POLN: variants seen among roughly 807,000 people sequenced by gnomAD.
POLN encodes DNA polymerase nu, also known as DNA polymerase N.
In POLN, 108 loss-of-function variants were observed where a neutral mutation model predicts 113.5. The observed-to-expected ratio is 0.95, with a 90% CI of 0.81 to 1.12. The LOEUF (loss-of-function observed/expected upper bound fraction) is 1.12, where lower values mean the gene tolerates loss of function less well. Among genes scored for constraint, POLN ranks in the 50% most tolerant of loss-of-function variants. The pLI is 0.00. For synonymous variants in POLN, 386 were observed against 391.5 expected (o/e 0.99, Z 0.17); for missense variants, 1,097 against 1,077.1 (o/e 1.02, Z -0.26).
Position 2,131,281 on chromosome 4 carries a change from C to A in POLN, c.1741G>T (p.Gly581Cys), listed in dbSNP as rs2108726239. Residue 581 changes from glycine (G) to cysteine (C), a missense_variant, in exon 17 of 26, where the codon GGT (glycine) becomes TGT (cysteine). Transcript: ENST00000511885. ...ATCTGAATTGGGTGCTTGGAGATAC[C>A]TTGGATATTCTGTTAATAATAAGAG... is the stretch of plus-strand genomic sequence containing the variant. ...RLSAKHPNIQ[G>C]ISKHPIQITT... 1 of 1,581,470 alleles carries A rather than the reference C, an allele frequency of 6.3e-7. No homozygotes were observed. The highest frequency in any genetic ancestry group is 1.1e-5 in the South Asian group (1 of 89,944).
chr4:2,186,214 T>G (rs1042607486), intron 7 of POLN, among the ~76,000 whole-genome samples: 19 of 152,320 alleles, frequency 1.2e-4, no homozygotes, highest in Non-Finnish European at 2.4e-4. Context: ...TCCCATCATC[T>G]TGGGCCCCCT....
At position 2,203,536 on chromosome 4, in the gene POLN, T is replaced by C. The variant is rs529260517; in HGVS notation, c.714+4451A>G. Among the ~76,000 whole-genome samples, 16 of 148,838 alleles carry C rather than the reference T, an allele frequency of 1.1e-4. No individual in the cohort carries two copies. The South Asian group carries it at 2.8e-3, about 26-fold the overall frequency. On this transcript the variant is annotated intron_variant, in intron 5 of 25. Transcript: ENST00000511885. Reference sequence around the variant, plus strand: ...CAGAGGTTGCAGAGAGCCAAGATTGTACCACTGCACTCCAGCCTGGGTGAC... The same window carrying C: ...CAGAGGTTGCAGAGAGCCAAGATTGCACCACTGCACTCCAGCCTGGGTGAC...
intron 16 of POLN, among the ~76,000 whole-genome samples, chr4:2,155,519 C>A (rs886865638): frequency 3.3e-5 from 5 of 152,268 alleles, no homozygotes; most frequent in African/African-American, 1.2e-4. Flanking sequence ...ACTCGGTACA[C>A]CATCTATGCA....
At chr4:2,172,588 ACATT>A (rs1732891017) in intron 11 of POLN, among the ~76,000 whole-genome samples, 1 of 152,200 alleles carries the variant, frequency 6.6e-6, no homozygotes, top group Non-Finnish European at 1.5e-5. Context: ...TTCTTGGTTG[ACATT>A]AGTAATCAGG....
At chr4:2,220,823 G>A (rs1020198400) in intron 3 of POLN, among the ~76,000 whole-genome samples, 2 of 151,942 alleles carry the variant, frequency 1.3e-5, no homozygotes, top group African/African-American at 4.8e-5. Context: ...GGAGGGGGCC[G>A]CAAAAAAGAA....
At chr4:2,221,777 G>A (rs1003621970) in intron 3 of POLN, among the ~76,000 whole-genome samples, 4 of 152,184 alleles carry the variant, frequency 2.6e-5, no homozygotes, top group African/African-American at 7.2e-5. Flanking sequence ...GTTCCACCAC[G>A]TTGGCCAGTC....
chr4:2,219,192 G>A lies in POLN; in HGVS notation c.134-6066C>T, dbSNP rs141149741. On this transcript the variant is annotated intron_variant, in intron 3 of 25. Transcript: ENST00000511885. ...GAGCCCTCCCATTATAGTGTAATCT[G>A]GGCCAAGGTTCCATTTATTGCTTGA... is the stretch of plus-strand genomic sequence containing the variant. 1.7e-4 allele frequency among the ~76,000 whole-genome samples: 26 copies of A among 152,276 alleles called. No homozygotes were observed. In the East Asian group the frequency reaches 4.8e-3, roughly 28 times the overall value.
chr4:2,138,414 G>A (rs539575756), intron 16 of POLN, among the ~76,000 whole-genome samples: 6 of 152,192 alleles, frequency 3.9e-5, no homozygotes, highest in African/African-American at 7.2e-5. Context: ...GATGAGAGCA[G>A]GAAGGTGGGT....
chr4:2,113,242 G>A (rs1397718136), intron 19 of POLN, among the ~76,000 whole-genome samples: 3 of 119,980 alleles, frequency 2.5e-5, no homozygotes, highest in African/African-American at 6.3e-5. Flanking sequence ...GTTGCAGGGT[G>A]GGGGGAGGGG....
intron 19 of POLN, among the ~76,000 whole-genome samples, chr4:2,121,434 CAAAA>C (rs869279379): frequency 7.2e-6 from 1 of 139,446 alleles, no homozygotes. Context: ...GACTCTGTCT[CAAAA>C]AAAAAAAAAA....
chr4:2,190,498 T>C (rs1733413117), intron 7 of POLN, among the ~76,000 whole-genome samples: 1 of 150,820 alleles, frequency 6.6e-6, no homozygotes, highest in African/African-American at 2.5e-5. Flanking sequence ...TTACTACAAC[T>C]TCAAAAGTAT....
At chr4:2,148,628 C>T (rs1732209118) in intron 16 of POLN, among the ~76,000 whole-genome samples, 1 of 151,456 alleles carries the variant, frequency 6.6e-6, no homozygotes, top group South Asian at 2.1e-4. Flanking sequence ...GATTGCACCA[C>T]GGCACTCCAG....
chr4:2,232,471 G>A (rs1560102633), intron 2 of POLN, among the ~76,000 whole-genome samples: 1 of 152,164 alleles, frequency 6.6e-6, no homozygotes, highest in African/African-American at 2.4e-5. Context: ...CTGTTTTAGA[G>A]ATTACTGATA....
intron 24 of POLN, among the ~76,000 whole-genome samples, chr4:2,073,630 A>C (rs905977352): frequency 2.0e-5 from 3 of 152,250 alleles, no homozygotes; most frequent in Non-Finnish European, 1.5e-5. Flanking sequence ...GGCAGGGGCC[A>C]GAGGTGGGAC....
chr4:2,237,678 C>G (rs1734815505), intron 2 of POLN, among the ~76,000 whole-genome samples: 1 of 152,066 alleles, frequency 6.6e-6, no homozygotes, highest in East Asian at 1.9e-4. Context: ...CTTAACCTAC[C>G]TATATTACAG....
intron 2 of POLN, among the ~76,000 whole-genome samples, chr4:2,237,758 T>C (rs570759524): frequency 3.9e-5 from 6 of 152,286 alleles, no homozygotes; most frequent in African/African-American, 1.4e-4. Flanking sequence ...AAATGTAAAA[T>C]TTAAACAATG....
rs143328609 is a variant in POLN at position 2,131,611 on chromosome 4, C to T, written c.1732-321G>A. ...TTAACTTAAAAATTCCTACAACATA[C>T]GCTAATGGTAGATTTATGTGAAATT... On this transcript the variant is annotated intron_variant, in intron 16 of 25. Coordinates refer to ENST00000511885, the MANE Select transcript of POLN (RefSeq NM_181808.4). Among the ~76,000 whole-genome samples, 945 of 152,280 alleles carry T rather than the reference C, an allele frequency of 6.2e-3. 4 individuals are homozygous for T. The highest frequency in any genetic ancestry group is 0.01 in the Middle Eastern group (3 of 294).
chr4:2,079,603 G>A (rs955027287), intron 23 of POLN: 2 of 984,930 alleles, frequency 2.0e-6, no homozygotes, highest in Non-Finnish European at 2.4e-6. Flanking sequence ...TTTTTTTTCT[G>A]TTAGACAGAG....
At chr4:2,076,545 C>A (rs1730280491) in intron 23 of POLN, 1 of 152,332 alleles carries the variant, frequency 6.6e-6, no homozygotes, top group African/African-American at 2.4e-5. Context: ...GTCAGGGGGT[C>A]CCACGCACTC....
Sources: allele counts gnomAD v4.1 joint callset (sites outside exome capture counted in the v4.1 genomes callset), GRCh38; gene constraint gnomAD v4.1.1; transcripts MANE v1.5; gene names NCBI Gene and HGNC (gene_info 2026-07-23, HGNC 2026-07-21).